FSTL4: variants seen among roughly 807,000 people sequenced by gnomAD.
FSTL4 encodes follistatin-related protein 4.
In FSTL4, 28 loss-of-function variants were observed where a neutral mutation model predicts 78.2. The ratio of observed to expected loss-of-function variants is 0.36; its 90% CI spans 0.27 to 0.49. FSTL4 has a LOEUF of 0.49. FSTL4 is among the 20% of genes least tolerant of loss of function. The pLI, the probability that FSTL4 is intolerant of heterozygous loss-of-function variation, is 0.98. For missense variants in FSTL4, 922 were observed against 1,084.9 expected (o/e 0.85, Z 2.11); for synonymous variants, 422 against 440.5 (o/e 0.96, Z 0.53).
chr5:133,362,828 T>C (rs1383286540), intron 4 of FSTL4, among the ~76,000 whole-genome samples: 2 of 152,264 alleles, frequency 1.3e-5, no homozygotes, highest in Non-Finnish European at 2.9e-5. Flanking sequence ...TTTAAAAGCA[T>C]CATCTCATAC....
the FSTL4 span, among the ~76,000 whole-genome samples, chr5:133,818,971 GCA>G: frequency 6.2e-5 from 3 of 48,716 alleles, no homozygotes; most frequent in Non-Finnish European, 9.6e-5. Flanking sequence ...ACGTACGCAT[GCA>G]CACACACACA....
the FSTL4 span, among the ~76,000 whole-genome samples, chr5:133,715,645 G>T: frequency 6.6e-6 from 1 of 152,170 alleles, no homozygotes; most frequent in African/African-American, 2.4e-5. Flanking sequence ...CTTCTCAAAG[G>T]ACAAGCAGCC....
chr5:133,360,118 T>C (rs1459511839), intron 4 of FSTL4, among the ~76,000 whole-genome samples: 1 of 152,234 alleles, frequency 6.6e-6, no homozygotes, highest in South Asian at 2.1e-4. Flanking sequence ...GGGGCCTTCA[T>C]GGGAACACAC....
the FSTL4 span, among the ~76,000 whole-genome samples, chr5:133,835,339 G>A: frequency 1.3e-5 from 2 of 152,184 alleles, no homozygotes; most frequent in South Asian, 4.1e-4. Context: ...ATCAGCCCAT[G>A]TGTGTTCTGT....
intron 3 of FSTL4, among the ~76,000 whole-genome samples, chr5:133,489,585 A>G (rs1758215192): frequency 6.6e-6 from 1 of 152,226 alleles, no homozygotes. Context: ...TCTTAAGAAG[A>G]CATGCAAAGA....
chr5:133,760,846 T>C, the FSTL4 span, among the ~76,000 whole-genome samples: 283 of 152,290 alleles, frequency 1.9e-3, 2 homozygotes, highest in African/African-American at 6.7e-3. Context: ...GGTGGCTTGG[T>C]GTGTTAGCAA....
chr5:133,261,622 T>C (rs559994337), intron 6 of FSTL4, among the ~76,000 whole-genome samples: 35 of 152,224 alleles, frequency 2.3e-4, no homozygotes, highest in African/African-American at 7.7e-4. Context: ...TTTGGGAGGC[T>C]GAGGTGGGTG....
intron 7 of FSTL4, among the ~76,000 whole-genome samples, chr5:133,237,097 C>T (rs1751685000): frequency 6.6e-6 from 1 of 152,108 alleles, no homozygotes; most frequent in Admixed American, 6.5e-5. Context: ...CCTTCCTGTC[C>T]ACTCAAATAT....
At chr5:133,371,429 G>A (rs572931942) in intron 4 of FSTL4, among the ~76,000 whole-genome samples, 1 of 152,316 alleles carries the variant, frequency 6.6e-6, no homozygotes, top group South Asian at 2.1e-4. Context: ...CCCAGGATGG[G>A]AAAAAGCAAG....
chr5:133,287,709 C>T (rs147764133), intron 6 of FSTL4, among the ~76,000 whole-genome samples: 65 of 152,308 alleles, frequency 4.3e-4, no homozygotes, highest in African/African-American at 1.5e-3. Context: ...TCCTGCTGCC[C>T]GCACTCTGCT....
chr5:133,602,507 C>T (rs2112978473), intron 2 of FSTL4, among the ~76,000 whole-genome samples: 1 of 152,318 alleles, frequency 6.6e-6, no homozygotes, highest in Non-Finnish European at 1.5e-5. Flanking sequence ...ACTAAGCTTA[C>T]CTGTGTGTTT....
At chr5:133,643,432 A>G in the FSTL4 span, among the ~76,000 whole-genome samples, 1 of 152,184 alleles carries the variant, frequency 6.6e-6, no homozygotes, top group Non-Finnish European at 1.5e-5. Context: ...GCTATTGTGT[A>G]GGGATGGGCC....
chr5:133,332,992 C>A (rs1344368103), intron 4 of FSTL4, among the ~76,000 whole-genome samples: 1 of 151,228 alleles, frequency 6.6e-6, no homozygotes, highest in Non-Finnish European at 1.5e-5. Context: ...GTGCAGGTGT[C>A]CTCTCTCTCT....
chr5:133,261,063 T>C (rs1237386485), intron 6 of FSTL4, among the ~76,000 whole-genome samples: 1 of 152,186 alleles, frequency 6.6e-6, no homozygotes, highest in African/African-American at 2.4e-5. Flanking sequence ...TGGTCTGATT[T>C]ACACCTTTAA....
At chr5:133,589,662 A>T (rs913531660) in intron 2 of FSTL4, among the ~76,000 whole-genome samples, 1 of 152,066 alleles carries the variant, frequency 6.6e-6, no homozygotes, top group Non-Finnish European at 1.5e-5. Context: ...GCCCCAGAAG[A>T]CCACCTCAAA....
At chr5:133,308,069 C>T (rs1381860772) in intron 6 of FSTL4, among the ~76,000 whole-genome samples, 5 of 152,196 alleles carry the variant, frequency 3.3e-5, no homozygotes, top group East Asian at 1.9e-4. Flanking sequence ...CGTGAGCCAC[C>T]GTGCCCGGCC....
intron 4 of FSTL4, among the ~76,000 whole-genome samples, chr5:133,364,804 G>A (rs187866026): frequency 1.3e-5 from 2 of 152,216 alleles, no homozygotes; most frequent in East Asian, 3.9e-4. Context: ...CGAAATCTTT[G>A]TGCCCGTGGT....
chr5:133,263,656 A>G (rs535422132), intron 6 of FSTL4, among the ~76,000 whole-genome samples: 1 of 152,308 alleles, frequency 6.6e-6, no homozygotes, highest in East Asian at 1.9e-4. Context: ...GTGAAGAGGC[A>G]TTCTTTAGAA....
intron 13 of FSTL4, among the ~76,000 whole-genome samples, chr5:133,215,310 C>T (rs143057863): frequency 6.6e-6 from 1 of 152,316 alleles, no homozygotes; most frequent in African/African-American, 2.4e-5. Flanking sequence ...TCTTCTCTGT[C>T]TATACCACCT....
Sources: gnomAD v4.1 joint callset for allele counts (sites outside exome capture counted in the v4.1 genomes callset) on GRCh38, gnomAD v4.1.1 for gene constraint, MANE v1.5 for transcripts, NCBI Gene and HGNC (gene_info 2026-07-23, HGNC 2026-07-21) for gene names.